Variants in MYT1 observed in about 807,000 individuals in gnomAD.
MYT1 encodes the protein myelin transcription factor I.
MYT1 carries 23 observed loss-of-function variants against 123.0 expected under a neutral mutation model. That is an observed-to-expected ratio of 0.19 (90% CI 0.13 to 0.26). The LOEUF is 0.26. MYT1 is among the 10% of genes least tolerant of loss of function. MYT1 has a pLI of 1.00. For missense variants in MYT1, 1,125 were observed against 1,472.5 expected (o/e 0.76, Z 3.86); for synonymous variants, 518 against 575.3 (o/e 0.90, Z 1.43).
Position 64,241,623 on chromosome 20 carries a change from A to G in MYT1, c.*1175A>G, listed in dbSNP as rs905122473. 3 of 152,526 alleles carry G rather than the reference A, an allele frequency of 2.0e-5. No homozygotes were observed. The highest frequency in any genetic ancestry group is 2.9e-5 in the Non-Finnish European group (2 of 68,038). The allele number at this position is 152,526 out of a possible 1,614,324, so 9.4% of individuals were successfully genotyped here. On this transcript the variant is annotated 3_prime_UTR_variant, in exon 23 of 23. Transcript: ENST00000328439. This position sits in a 1 kb window ranked among gnomAD's most constrained non-coding sequence, Gnocchi z 4.2. ...TGTTAACGTTTGCTATTTATTTAACATTTTTATTTATTAATTTTATACTAT... is the reference window on the plus strand; with the variant it reads ...TGTTAACGTTTGCTATTTATTTAACGTTTTTATTTATTAATTTTATACTAT...
At chr20:64,238,111 G>GA (rs11471444) in intron 21 of MYT1, among the ~76,000 whole-genome samples, 12,031 of 148,850 alleles carry the variant, frequency 0.081, 656 homozygotes, top group African/African-American at 0.15. Context: ...TTTGTAATCA[G>GA]AAAAAAAAAA....
intron 2 of MYT1, among the ~76,000 whole-genome samples, chr20:64,194,112 C>T (rs956814848): frequency 6.6e-6 from 1 of 152,186 alleles, no homozygotes; most frequent in African/African-American, 2.4e-5. Flanking sequence ...TCCATCCACC[C>T]ATCCTTAAAT....
chr20:64,198,789 C>A, intron 2 of MYT1, 73 bp from the exon 3 acceptor site: 1 of 1,528,164 alleles, frequency 6.5e-7, no homozygotes, highest in Non-Finnish European at 9.0e-7. Flanking sequence ...AATGGCCAGA[C>A]ATTCCTGATG....
chr20:64,221,970 G>A lies in MYT1; in HGVS notation c.2319G>A (p.Arg773=). ...QEVSEENFEE[R]KYPGEVTLTN... ...TGTCGGAAGAGAATTTTGAGGAGCG[G>A]AAGTATCCGGGGGAAGTCACCCTGA... The change falls in exon 14 of 23, where the codon CGG becomes CGA. Residue 773 remains arginine, a synonymous_variant. Coordinates refer to ENST00000328439, the MANE Select transcript of MYT1 (RefSeq NM_004535.3). 1.2e-6 allele frequency: 2 copies of A among 1,613,732 alleles called. No homozygotes were observed. The highest frequency in any genetic ancestry group is 1.7e-6 in the Non-Finnish European group (2 of 1,180,032).
At position 64,240,511 on chromosome 20, in the gene MYT1, C is replaced by A; in HGVS notation, c.*63C>A. 6.5e-7 allele frequency: 1 copy of A among 1,537,456 alleles called. No individual in the cohort carries two copies. The highest frequency in any genetic ancestry group is 8.7e-7 in the Non-Finnish European group (1 of 1,143,398). The stretch of plus-strand genomic sequence containing the variant: ...CGTTTACCTCCCTCGCCCTGCCCCG[C>A]ACCGTGGGGATGCCCAACTCACAGT... On this transcript the variant is annotated 3_prime_UTR_variant, in exon 23 of 23. Coordinates refer to ENST00000328439, the MANE Select transcript of MYT1 (RefSeq NM_004535.3).
chr20:64,176,951 G>A (rs536151426), intron 1 of MYT1, among the ~76,000 whole-genome samples: 102 of 152,342 alleles, frequency 6.7e-4, no homozygotes, highest in African/African-American at 2.3e-3. Flanking sequence ...TACAGCGTTG[G>A]TAAGGTTAAA....
intron 18 of MYT1, among the ~76,000 whole-genome samples, chr20:64,230,917 C>T (rs971264313): frequency 8.5e-5 from 13 of 152,196 alleles, no homozygotes; most frequent in East Asian, 1.9e-4. Flanking sequence ...GCTTCAGAGA[C>T]GAGGCCAGAG....
At chr20:64,235,456 C>T (rs1217682615) in intron 19 of MYT1, among the ~76,000 whole-genome samples, 70 of 87,884 alleles carry the variant, frequency 8.0e-4, no homozygotes, top group Middle Eastern at 0.014. Context: ...GGGATGGCCG[C>T]GGTGGGTGAC....
At chr20:64,170,882 TA>T (rs1982245799) in intron 1 of MYT1, among the ~76,000 whole-genome samples, 1 of 41,330 alleles carries the variant, frequency 2.4e-5, no homozygotes, top group African/African-American at 1.2e-4. Context: ...TATATATATA[TA>T]TAGAGAGAGA....
rs990194185 is a variant in MYT1 at position 64,202,586 on chromosome 20, G to A, written c.87-2449G>A. On this transcript the variant is annotated intron_variant, in intron 4 of 22. Coordinates refer to ENST00000328439, the MANE Select transcript of MYT1 (RefSeq NM_004535.3). This position sits in a 1 kb window ranked among gnomAD's most constrained non-coding sequence, Gnocchi z 5.0. ...CTGGCCAACTCCCACCCAGATGACT[G>A]CCCCAGGAGAGGGAGGGAAGGCAGG... Among the ~76,000 whole-genome samples the A allele has an allele frequency of 6.6e-6, 1 of 152,114 alleles. No homozygotes were observed. The highest frequency in any genetic ancestry group is 1.5e-5 in the Non-Finnish European group (1 of 68,020).
chr20:64,195,353 A>AGTGT (rs1983079258), intron 2 of MYT1, among the ~76,000 whole-genome samples: 1 of 100,856 alleles, frequency 9.9e-6, no homozygotes, highest in African/African-American at 3.8e-5. Context: ...CATGGTGAGA[A>AGTGT]CTGTGTGTGT....
chr20:64,176,544 G>C (rs1982460113), intron 1 of MYT1, among the ~76,000 whole-genome samples: 1 of 151,746 alleles, frequency 6.6e-6, no homozygotes, highest in African/African-American at 2.4e-5. Context: ...TATTTCTGGA[G>C]GTCCCCACTC....
intron 1 of MYT1, among the ~76,000 whole-genome samples, chr20:64,182,931 A>G (rs1490711697): frequency 6.6e-6 from 1 of 152,216 alleles, no homozygotes; most frequent in Non-Finnish European, 1.5e-5. Flanking sequence ...AAAATATACA[A>G]TTCAGTGGTT....
intron 1 of MYT1, among the ~76,000 whole-genome samples, chr20:64,187,876 G>A (rs1344181442): frequency 6.6e-6 from 1 of 152,244 alleles, no homozygotes; most frequent in African/African-American, 2.4e-5. Flanking sequence ...CAGGGGTATG[G>A]TGCACAGGTT....
chr20:64,235,995 G>A (rs1984524082), intron 19 of MYT1, among the ~76,000 whole-genome samples: 1 of 137,322 alleles, frequency 7.3e-6, no homozygotes, highest in Admixed American at 7.0e-5. Flanking sequence ...GTGACCCTGG[G>A]CTGGCCGCGG....
chr20:64,194,466 C>T (rs1983047299), intron 2 of MYT1, among the ~76,000 whole-genome samples: 1 of 152,242 alleles, frequency 6.6e-6, no homozygotes, highest in African/African-American at 2.4e-5. Flanking sequence ...CAGGCTGGTG[C>T]CCCTCAGGGC....
At chr20:64,214,899 C>T (rs1983791253) in intron 10 of MYT1, among the ~76,000 whole-genome samples, 1 of 152,252 alleles carries the variant, frequency 6.6e-6, no homozygotes. Flanking sequence ...GTGTCATGCC[C>T]AGGCCCTTCC....
At chr20:64,220,791 T>TAGGCCCCTATGAAGGGTGGGGGCTGGATC in intron 13 of MYT1, among the ~76,000 whole-genome samples, 1 of 102,268 alleles carries the variant, frequency 9.8e-6, no homozygotes, top group Non-Finnish European at 2.4e-5. Flanking sequence ...GGGGTGGGGC[T>TAGGCCCCTATGAAGGGTGGGGGCTGGATC]AGGCCCCTAT....
At chr20:64,211,961 C>T (rs1983679746) in intron 8 of MYT1, 87 bp from the exon 9 acceptor site, 3 of 1,132,450 alleles carry the variant, frequency 2.6e-6, no homozygotes, top group Non-Finnish European at 4.0e-6. Context: ...GGCTCCTGCA[C>T]CCTCCTCAGC....
Sources: allele counts gnomAD v4.1 joint callset (sites outside exome capture counted in the v4.1 genomes callset), GRCh38; gene constraint gnomAD v4.1.1; non-coding constraint Gnocchi (gnomAD v3.1); transcripts MANE v1.5; gene names NCBI Gene and HGNC (gene_info 2026-07-23, HGNC 2026-07-21).